Variants in SLC20A2 observed in about 807,000 individuals in gnomAD.
SLC20A2 encodes solute carrier family 20 member 2.
A neutral mutation model predicts 61.0 loss-of-function variants in SLC20A2; 30 were observed. The ratio of observed to expected loss-of-function variants is 0.49; its 90% CI spans 0.37 to 0.67. The LOEUF (loss-of-function observed/expected upper bound fraction) is 0.67, where lower values mean the gene tolerates loss of function less well. SLC20A2 is among the 30% of genes least tolerant of loss of function. The pLI is 0.00. For synonymous variants in SLC20A2, 351 were observed against 353.3 expected, an observed-to-expected ratio of 0.99 and a Z score of 0.07; for missense variants, 626 against 866.4, an observed-to-expected ratio of 0.72 and a Z score of 3.48.
chr8:42,521,084 G>A lies in SLC20A2; in HGVS notation c.-265+20737C>T. 1.6e-5 allele frequency among the ~76,000 whole-genome samples: 2 copies of A among 121,506 alleles called. 1 individual carries two copies. Among genetic ancestry groups the A allele is most frequent in the Non-Finnish European group, 4.0e-5 (2 of 50,610 alleles). The allele number at this position is 121,506 out of a possible 152,430, so 79.7% of individuals were successfully genotyped here. A position where few individuals can be genotyped will look rare whatever the true frequency, so the allele number is the denominator to read the frequency against. On this transcript the variant is annotated intron_variant, in intron 1 of 10. Coordinates refer to the SLC20A2 transcript ENST00000342228. ...CTAATGTTCCATTTAAAAAAAATTT[G>A]ATCTAGCAATCACACTCTTCAGCAT...
At chr8:42,487,039 G>A (rs903338762) in intron 1 of SLC20A2, among the ~76,000 whole-genome samples, 1 of 151,422 alleles carries the variant, frequency 6.6e-6, no homozygotes, top group African/African-American at 2.4e-5. Flanking sequence ...GCTAATTTTT[G>A]TATTTTTTAG....
chr8:42,467,351 T>C (rs1029665038), intron 2 of SLC20A2, among the ~76,000 whole-genome samples: 24 of 152,214 alleles, frequency 1.6e-4, no homozygotes, highest in Non-Finnish European at 3.1e-4. Flanking sequence ...TTCAAATATT[T>C]TCATAAGCAG....
At chr8:42,464,868 G>A (rs1418580152) in intron 3 of SLC20A2, among the ~76,000 whole-genome samples, 1 of 151,892 alleles carries the variant, frequency 6.6e-6, no homozygotes, top group Admixed American at 6.6e-5. Flanking sequence ...CTAGCTACTC[G>A]GGAGGCTGAG....
intron 5 of SLC20A2, among the ~76,000 whole-genome samples, chr8:42,455,540 G>C (rs1806131136): frequency 6.6e-6 from 1 of 151,470 alleles, no homozygotes; most frequent in Non-Finnish European, 1.5e-5. Context: ...GGCCCCTGTA[G>C]TCCCAACTAC....
At chr8:42,489,229 G>A (rs1452948279) in intron 1 of SLC20A2, among the ~76,000 whole-genome samples, 4 of 151,976 alleles carry the variant, frequency 2.6e-5, no homozygotes, top group African/African-American at 4.8e-5. Context: ...ATGAGCCACC[G>A]CGCTTGGCCA....
chr8:42,459,847 A>G (rs1294853042), intron 5 of SLC20A2, 49 bp downstream of exon 5: 1 of 1,197,776 alleles, frequency 8.3e-7, no homozygotes, highest in Non-Finnish European at 1.2e-6. Flanking sequence ...TGATACTGTT[A>G]GAATACAATG....
intron 2 of SLC20A2, among the ~76,000 whole-genome samples, chr8:42,466,276 G>A (rs375002371): frequency 6.6e-6 from 1 of 152,134 alleles, no homozygotes; most frequent in Non-Finnish European, 1.5e-5. Flanking sequence ...AGTAAAGATG[G>A]GGTCTCACTA....
chr8:42,506,215 T>A (rs956299164), upstream of SLC20A2, among the ~76,000 whole-genome samples: 1 of 152,186 alleles, frequency 6.6e-6, no homozygotes, highest in African/African-American at 2.4e-5. Flanking sequence ...ACTGGGATAA[T>A]AGGTGTGAAC....
At chr8:42,487,548 A>C (rs1399033826) in intron 1 of SLC20A2, among the ~76,000 whole-genome samples, 2 of 152,162 alleles carry the variant, frequency 1.3e-5, no homozygotes, top group South Asian at 2.1e-4. Context: ...TGATGCACTG[A>C]ATCGTGGCCC....
At chr8:42,433,478 C>T (rs1272263622) in intron 8 of SLC20A2, among the ~76,000 whole-genome samples, 2 of 152,080 alleles carry the variant, frequency 1.3e-5, no homozygotes, top group Non-Finnish European at 2.9e-5. Context: ...CACGTGCCAC[C>T]ACGCCTGGCT....
intron 1 of SLC20A2, among the ~76,000 whole-genome samples, chr8:42,509,301 G>A (rs1325946700): frequency 6.6e-6 from 1 of 152,160 alleles, no homozygotes; most frequent in Non-Finnish European, 1.5e-5. Flanking sequence ...GAGATCTAGA[G>A]CACAAGGTCA....
rs186847494 is a variant in SLC20A2 at position 42,475,022 on chromosome 8, G to A, written c.-264-2368C>T. On this transcript the variant is annotated intron_variant, in intron 1 of 10. Transcript: ENST00000520262. ...GGTGAGGGGAACCAGGATGAAGGTC[G>A]GGTGGGTCTGGTTAAAGACTGGCCA... Among the ~76,000 whole-genome samples, 19 of 152,276 alleles carry A rather than the reference G, an allele frequency of 1.2e-4. No individual in the cohort carries two copies. In the East Asian group the frequency reaches 2.9e-3, roughly 23 times the overall value.
chr8:42,536,761 C>T (rs539318554), intron 1 of SLC20A2, among the ~76,000 whole-genome samples: 1 of 152,188 alleles, frequency 6.6e-6, no homozygotes, highest in South Asian at 2.1e-4. Context: ...CTCAATACAA[C>T]CTGAAAAAGT....
intron 1 of SLC20A2, among the ~76,000 whole-genome samples, chr8:42,496,713 A>C (rs1415656864): frequency 5.3e-5 from 8 of 152,234 alleles, no homozygotes; most frequent in Non-Finnish European, 1.0e-4. Context: ...TGACACACAG[A>C]TAATACATTC....
At chr8:42,504,750 C>T (rs751072222), upstream of SLC20A2, among the ~76,000 whole-genome samples, 161 of 143,496 alleles carry the variant, frequency 1.1e-3, 1 homozygote, top group Non-Finnish European at 1.5e-3. Context: ...GAGACTGAGG[C>T]AGGAGAATCC....
intron 4 of SLC20A2, among the ~76,000 whole-genome samples, chr8:42,461,895 C>T (rs1469781566): frequency 6.6e-6 from 1 of 152,146 alleles, no homozygotes. Flanking sequence ...GTGCTAAGCA[C>T]AGTGCTGGGC....
At chr8:42,528,908 C>A (rs988584052) in intron 1 of SLC20A2, among the ~76,000 whole-genome samples, 1 of 151,868 alleles carries the variant, frequency 6.6e-6, no homozygotes, top group African/African-American at 2.4e-5. Context: ...CTCGGGTGAT[C>A]CCCCCGCCTC....
chr8:42,505,961 TTTTA>T (rs10632389), upstream of SLC20A2, among the ~76,000 whole-genome samples: 633 of 151,202 alleles, frequency 4.2e-3, 5 homozygotes, highest in African/African-American at 0.014. Flanking sequence ...ATTCTCTGTA[TTTTA>T]TTTATTTATT....
chr8:42,494,596 T>G (rs759438255), intron 1 of SLC20A2, among the ~76,000 whole-genome samples: 17 of 152,222 alleles, frequency 1.1e-4, no homozygotes, highest in Non-Finnish European at 2.2e-4. Flanking sequence ...TGTAACCTGC[T>G]AGTTTTTACT....
Sources: gnomAD v4.1 joint callset for allele counts (sites outside exome capture counted in the v4.1 genomes callset) on GRCh38, gnomAD v4.1.1 for gene constraint, MANE v1.5 for transcripts, NCBI Gene and HGNC (gene_info 2026-07-23, HGNC 2026-07-21) for gene names.